SIPA1L1: variants seen among roughly 807,000 people sequenced by gnomAD.
The protein encoded by SIPA1L1 is signal induced proliferation associated 1 like 1.
SIPA1L1 carries 26 observed loss-of-function variants against 162.7 expected under a neutral mutation model. The observed-to-expected ratio is 0.16, with a 90% CI of 0.12 to 0.22. SIPA1L1 has a LOEUF of 0.22. SIPA1L1 is among the 10% of genes least tolerant of loss of function. The pLI, the probability that SIPA1L1 is intolerant of heterozygous loss-of-function variation, is 1.00. For synonymous variants in SIPA1L1, 829 were observed against 837.4 expected, an observed-to-expected ratio of 0.99 and a Z score of 0.17; for missense variants, 1,874 against 2,241.0, an observed-to-expected ratio of 0.84 and a Z score of 3.31.
chr14:71,654,083 T>G (rs1317556786), intron 8 of SIPA1L1, among the ~76,000 whole-genome samples: 1 of 152,212 alleles, frequency 6.6e-6, no homozygotes, highest in Non-Finnish European at 1.5e-5. Context: ...TATTCATTTC[T>G]TAGTATTTTT....
rs2044525392 is a variant in SIPA1L1 at position 71,671,651 on chromosome 14, A to C, written c.2788A>C (p.Ile930Leu). 1 of 1,612,590 alleles carries C rather than the reference A, an allele frequency of 6.2e-7. No homozygotes were observed. Among genetic ancestry groups the C allele is most frequent in the Non-Finnish European group, 8.5e-7 (1 of 1,179,246 alleles). Reference sequence around the variant, plus strand: ...AGAATGTGTTTCAGTGGGTAGTTTTATTAACATTGAGGAGATCAAAGAGAT... The same window carrying C: ...AGAATGTGTTTCAGTGGGTAGTTTTCTTAACATTGAGGAGATCAAAGAGAT... The part of the protein sequence containing the change: ...RGECVSVGSF[I>L]NIEEIKEIVK... Residue 930 changes from isoleucine (I) to leucine (L), a missense_variant, in exon 11 of 24, where the codon ATT becomes CTT. Physicochemically the swap from Ile to Leu is conservative, Grantham distance 5. This residue lies in a region of SIPA1L1 where 243 missense variants were observed against 315.0 expected (regional missense o/e 0.77). Coordinates refer to ENST00000381232, the MANE Select transcript of SIPA1L1 (RefSeq NM_001386936.1).
chr14:71,472,864 A>AG lies in SIPA1L1; in HGVS notation c.-464-39879_-464-39878insG, dbSNP rs1336036872. On this transcript the variant is annotated intron_variant, in intron 2 of 23. Transcript: ENST00000381232. Reference sequence around the variant, plus strand: ...ATGAAAACTTAAAAAAAAAAAAAAAAAAGCAGGGTCTTACTTGGTCACCCA... The same window carrying AG: ...ATGAAAACTTAAAAAAAAAAAAAAAAGAAGCAGGGTCTTACTTGGTCACCCA... Among the ~76,000 whole-genome samples, 66 of 149,214 alleles carry AG rather than the reference A, an allele frequency of 4.4e-4. No homozygotes were observed. The Middle Eastern group carries it at 0.01, about 23-fold the overall frequency.
intron 20 of SIPA1L1, among the ~76,000 whole-genome samples, chr14:71,730,806 G>T (rs1364280826): frequency 6.6e-6 from 1 of 152,200 alleles, no homozygotes; most frequent in East Asian, 1.9e-4. Flanking sequence ...TAAGGAAAAG[G>T]TTTGTGGATG....
intron 4 of SIPA1L1, among the ~76,000 whole-genome samples, chr14:71,542,706 C>T (rs1416637429): frequency 9.8e-6 from 1 of 102,244 alleles, no homozygotes; most frequent in African/African-American, 4.6e-5. Flanking sequence ...CTCCTCCTCC[C>T]TCCTCCTCCT....
chr14:71,536,944 C>G (rs865804326), intron 4 of SIPA1L1, among the ~76,000 whole-genome samples: 5 of 152,054 alleles, frequency 3.3e-5, no homozygotes, highest in African/African-American at 9.7e-5. Context: ...TTCTTTCTTG[C>G]CTGTTTTTCT....
In SIPA1L1 at chr14:71,588,206, A is replaced by G; in HGVS notation, c.334A>G (p.Lys112Glu). 6.2e-7 allele frequency: 1 copy of G among 1,614,184 alleles called. No individual in the cohort carries two copies. Among genetic ancestry groups the G allele is most frequent in the Non-Finnish European group, 8.5e-7 (1 of 1,179,992 alleles). Residue 112 changes from lysine (K) to glutamate (E), a missense_variant, in exon 5 of 24, where the codon AAA becomes GAA. Lys to Glu is a moderately conservative substitution (Grantham distance 56). Around this residue, in one of 5 missense-constraint regions of SIPA1L1, gnomAD observed 685 missense variants for 828.0 expected, o/e 0.83. Coordinates refer to ENST00000381232, the MANE Select transcript of SIPA1L1 (RefSeq NM_001386936.1). The surrounding 1 kb of genome is among the most constrained non-coding windows in gnomAD (Gnocchi z 4.3). ...TSSCLDSLSS[K>E]SSPVSQGSSV... ...AAGTTGCCTTGATAGCCTGTCCTCCAAAAGCAGTCCTGTGAGTCAGGGAAG... is the reference window on the plus strand; with the variant it reads ...AAGTTGCCTTGATAGCCTGTCCTCCGAAAGCAGTCCTGTGAGTCAGGGAAG...
chr14:71,556,849 C>G (rs2056398811), intron 4 of SIPA1L1, among the ~76,000 whole-genome samples: 1 of 152,232 alleles, frequency 6.6e-6, no homozygotes, highest in Admixed American at 6.5e-5. Flanking sequence ...CCAGCAAGGC[C>G]TGTCTATTCA....
At chr14:71,432,071 T>C (rs722633) in intron 2 of SIPA1L1, among the ~76,000 whole-genome samples, 24,824 of 151,984 alleles carry the variant, frequency 0.16, 2,635 homozygotes, top group Middle Eastern at 0.35. Context: ...TCTTTTTTTC[T>C]TTTTCTTTTT....
In SIPA1L1 at chr14:71,637,719, T is replaced by TA. The variant is rs548991374; in HGVS notation, c.1819-12603dup. 7.4e-4 allele frequency among the ~76,000 whole-genome samples: 106 copies of TA among 144,058 alleles called. 2 individuals carry two copies. Among genetic ancestry groups the TA allele is most frequent in the African/African-American group, 1.2e-3 (46 of 39,518 alleles). The allele number at this position is 144,058 out of a possible 152,430, so 94.5% of individuals were successfully genotyped here. A position where few individuals can be genotyped will look rare whatever the true frequency, so the allele number is the denominator to read the frequency against. On this transcript the variant is annotated intron_variant, in intron 7 of 23. Transcript: ENST00000381232. ...AGCCTGGTTGACAGAGTGAGACTCT[T>TA]AAAAAAAAAAAAATAAGAACTTTAT...
At chr14:71,615,833 A>G (rs1596439501) in intron 5 of SIPA1L1, among the ~76,000 whole-genome samples, 1 of 152,118 alleles carries the variant, frequency 6.6e-6, no homozygotes, top group Admixed American at 6.5e-5. Context: ...CATCTCTACA[A>G]AAAATATAAA....
intron 7 of SIPA1L1, among the ~76,000 whole-genome samples, chr14:71,644,779 T>C (rs1015665272): frequency 6.6e-6 from 1 of 152,210 alleles, no homozygotes; most frequent in Non-Finnish European, 1.5e-5. Flanking sequence ...CAGGAAATAC[T>C]GTGAGTTGTT....
At chr14:71,328,163 A>G (rs963089612) in intron 2 of SIPA1L1, among the ~76,000 whole-genome samples, 4 of 152,256 alleles carry the variant, frequency 2.6e-5, no homozygotes, top group African/African-American at 4.8e-5. Context: ...AGTAAATTGC[A>G]TAACAAAATA....
chr14:71,532,541 G>A (rs556417450), intron 4 of SIPA1L1, among the ~76,000 whole-genome samples: 1 of 152,284 alleles, frequency 6.6e-6, no homozygotes, highest in Non-Finnish European at 1.5e-5. Context: ...ATTAGGTCTT[G>A]CTCTCCGCAC....
chr14:71,738,898 T>G, intron 23 of SIPA1L1, 120 bp from the exon 24 acceptor site: 1 of 1,191,036 alleles, frequency 8.4e-7, no homozygotes, highest in South Asian at 1.5e-5. Context: ...GACAGGTGTT[T>G]GGAGGAACGA....
intron 5 of SIPA1L1, among the ~76,000 whole-genome samples, chr14:71,594,929 G>A (rs2035856854): frequency 6.6e-6 from 1 of 152,146 alleles, no homozygotes; most frequent in Non-Finnish European, 1.5e-5. Context: ...AAGAAAGCTA[G>A]TAGTAGGTAT....
At chr14:71,614,227 A>C (rs1038305368) in intron 5 of SIPA1L1, among the ~76,000 whole-genome samples, 2 of 152,026 alleles carry the variant, frequency 1.3e-5, no homozygotes, top group African/African-American at 4.8e-5. Flanking sequence ...CCAAAAAAAA[A>C]AAAAACAAAA....
chr14:71,325,796 T>G (rs2140190493), intron 2 of SIPA1L1, among the ~76,000 whole-genome samples: 1 of 152,312 alleles, frequency 6.6e-6, no homozygotes, highest in African/African-American at 2.4e-5. Flanking sequence ...ATTTCCAATT[T>G]GTTGCTTGTC....
chr14:71,377,893 G>A lies in SIPA1L1; in HGVS notation c.-465+56712G>A, dbSNP rs1285178210. Reference sequence around the variant, plus strand: ...CGGCAGGCTGAGGCAGGAGAATCAGGCAGGGAGGTTGCAGTGAGCCGAGAT... The same window carrying A: ...CGGCAGGCTGAGGCAGGAGAATCAGACAGGGAGGTTGCAGTGAGCCGAGAT... On this transcript the variant is annotated intron_variant, in intron 2 of 23. Coordinates refer to ENST00000381232, the MANE Select transcript of SIPA1L1 (RefSeq NM_001386936.1). The surrounding 1 kb of genome is among the most constrained non-coding windows in gnomAD (Gnocchi z 4.8). Among the ~76,000 whole-genome samples, 2 of 152,182 alleles carry A rather than the reference G, an allele frequency of 1.3e-5. No homozygotes were observed. Among genetic ancestry groups the A allele is most frequent in the Admixed American group, 1.3e-4 (2 of 15,288 alleles).
At chr14:71,584,202 T>A (rs1382660912) in intron 4 of SIPA1L1, among the ~76,000 whole-genome samples, 1 of 152,148 alleles carries the variant, frequency 6.6e-6, no homozygotes, top group Non-Finnish European at 1.5e-5. Context: ...CACATGGTTA[T>A]CACAGAGGTC....
Sources: gnomAD v4.1 joint callset for allele counts (sites outside exome capture counted in the v4.1 genomes callset) on GRCh38, gnomAD v4.1.1 for gene constraint, gnomAD v4.1.1 regional missense constraint, Gnocchi (gnomAD v3.1) non-coding constraint, MANE v1.5 for transcripts, NCBI Gene and HGNC (gene_info 2026-07-23, HGNC 2026-07-21) for gene names.